The following CHLSN variants were observed in gnomAD, a reference collection of about 807,000 sequenced individuals.
CHLSN encodes protein cholesin.
At chr7:1,053,361 C>A in the CHLSN span, among the ~76,000 whole-genome samples, 2 of 152,246 alleles carry the variant, frequency 1.3e-5, no homozygotes, top group African/African-American at 4.8e-5. Context: ...GGACAGGACC[C>A]CGGCTAATGT....
At chr7:1,122,121 G>A in the CHLSN span, among the ~76,000 whole-genome samples, 1 of 152,220 alleles carries the variant, frequency 6.6e-6, no homozygotes, top group Non-Finnish European at 1.5e-5. Flanking sequence ...TCAGAAACCA[G>A]GGGTGAGTCT....
the CHLSN span, among the ~76,000 whole-genome samples, chr7:1,007,551 T>C: frequency 1.3e-4 from 20 of 152,094 alleles, no homozygotes; most frequent in Non-Finnish European, 2.9e-5. Context: ...CGGCTGGGCT[T>C]GCGGGCACCC....
chr7:1,013,945 T>A, the CHLSN span, among the ~76,000 whole-genome samples: 3 of 152,224 alleles, frequency 2.0e-5, no homozygotes, highest in African/African-American at 7.2e-5. Flanking sequence ...TCAATGTGCA[T>A]GAAAAGCTTT....
chr7:1,032,981 C>T, the CHLSN span, among the ~76,000 whole-genome samples: 1 of 152,198 alleles, frequency 6.6e-6, no homozygotes, highest in Admixed American at 6.5e-5. Context: ...AGGGCCTCTC[C>T]TCTGTGCACT....
At chr7:1,021,967 T>C in the CHLSN span, among the ~76,000 whole-genome samples, 3 of 151,766 alleles carry the variant, frequency 2.0e-5, no homozygotes, top group African/African-American at 7.3e-5. Flanking sequence ...TCCGCGGGGG[T>C]GGCAGGAAAG....
the CHLSN span, among the ~76,000 whole-genome samples, chr7:1,039,676 C>A: frequency 1.5e-5 from 1 of 66,746 alleles, no homozygotes; most frequent in Non-Finnish European, 2.7e-5. Flanking sequence ...GAGGTGTGCC[C>A]AACAGCTCAT....
At chr7:1,007,500 G>C in the CHLSN span, among the ~76,000 whole-genome samples, 1 of 152,172 alleles carries the variant, frequency 6.6e-6, no homozygotes, top group African/African-American at 2.4e-5. Context: ...GATACCGTGG[G>C]CTCCACACAT....
At chr7:979,547 T>C in the CHLSN span, among the ~76,000 whole-genome samples, 5 of 151,470 alleles carry the variant, frequency 3.3e-5, no homozygotes, top group Non-Finnish European at 7.4e-5. Flanking sequence ...AGGTTAGGAG[T>C]TCAAGACCAG....
chr7:981,406 G>A, the CHLSN span, among the ~76,000 whole-genome samples: 2 of 152,116 alleles, frequency 1.3e-5, no homozygotes, highest in African/African-American at 4.8e-5. Context: ...TTGAGCCCAG[G>A]AGGAGTTGAA....
At chr7:1,037,615 G>T in the CHLSN span, among the ~76,000 whole-genome samples, 1 of 144,500 alleles carries the variant, frequency 6.9e-6, no homozygotes, top group African/African-American at 2.5e-5. Flanking sequence ...CCTCCCAGCC[G>T]CCTGCCTTGG....
At chr7:1,102,121 C>T in the CHLSN span, among the ~76,000 whole-genome samples, 2 of 152,252 alleles carry the variant, frequency 1.3e-5, no homozygotes, top group East Asian at 1.9e-4. Context: ...TCCAGAGCTA[C>T]AGGCAACAGC....
the CHLSN span, among the ~76,000 whole-genome samples, chr7:1,100,541 G>A: frequency 1.3e-5 from 2 of 152,214 alleles, no homozygotes; most frequent in South Asian, 2.1e-4. Flanking sequence ...GTCAGCTGGG[G>A]AGCCTGGGCC....
chr7:1,135,666 C>A, the CHLSN span, among the ~76,000 whole-genome samples: 1 of 150,880 alleles, frequency 6.6e-6, no homozygotes, highest in Non-Finnish European at 1.5e-5. Flanking sequence ...ACTCGGGAGG[C>A]TGAGGCAGGA....
the CHLSN span, among the ~76,000 whole-genome samples, chr7:1,070,908 G>A: frequency 8.5e-5 from 12 of 140,490 alleles, no homozygotes; most frequent in Admixed American, 3.5e-4. Context: ...ACACATGCAC[G>A]CACACACACA....
the CHLSN span, chr7:1,000,349 A>G: frequency 1.3e-6 from 1 of 768,426 alleles, no homozygotes; most frequent in South Asian, 1.8e-5. Context: ...CACACACCTC[A>G]GCCCCCGGGA....
At chr7:1,027,363 G>A in the CHLSN span, among the ~76,000 whole-genome samples, 1 of 152,258 alleles carries the variant, frequency 6.6e-6, no homozygotes, top group African/African-American at 2.4e-5. Flanking sequence ...CGGTTCGCGT[G>A]TCCGTGCGGA....
chr7:1,133,583 T>C, the CHLSN span, among the ~76,000 whole-genome samples: 1 of 148,768 alleles, frequency 6.7e-6, no homozygotes, highest in Non-Finnish European at 1.5e-5. Flanking sequence ...ACCCTGTCTC[T>C]ACTAAAAATA....
the CHLSN span, among the ~76,000 whole-genome samples, chr7:1,005,680 G>T: frequency 6.6e-6 from 1 of 152,238 alleles, no homozygotes; most frequent in East Asian, 1.9e-4. Context: ...GAGGCCACGG[G>T]GTGCAAGGAA....
At chr7:1,036,413 G>A in the CHLSN span, among the ~76,000 whole-genome samples, 5 of 150,202 alleles carry the variant, frequency 3.3e-5, no homozygotes, top group Non-Finnish European at 7.4e-5. Flanking sequence ...TGCAGGGCTC[G>A]GGTGCTCGTG....
Sources: gnomAD v4.1 joint callset for allele counts (sites outside exome capture counted in the v4.1 genomes callset) on GRCh38, gnomAD v4.1.1 for gene constraint, MANE v1.5 for transcripts, NCBI Gene and HGNC (gene_info 2026-07-23, HGNC 2026-07-21) for gene names.